Variants in LSM14B observed in about 807,000 individuals in gnomAD.
LSM14B encodes the protein LSM family member 14B, also known as protein LSM14 homolog B.
LSM14B carries 8 observed loss-of-function variants against 42.1 expected under a neutral mutation model. The observed-to-expected ratio is 0.19, with a 90% confidence interval of 0.11 to 0.34. LSM14B has a LOEUF of 0.34. Ranked by LOEUF, LSM14B falls within the 10% of genes least tolerant of loss-of-function variation. The pLI is 1.00. For synonymous variants in LSM14B, 219 were observed against 209.7 expected, an observed-to-expected ratio of 1.04 and a Z score of -0.38; for missense variants, 396 against 513.1, an observed-to-expected ratio of 0.77 and a Z score of 2.21.
At position 62,122,640 on chromosome 20, in the gene LSM14B, G is replaced by C. The variant is rs1305339301; in HGVS notation, c.-27G>C. 1.5e-6 allele frequency: 2 copies of C among 1,330,568 alleles called. No homozygotes were observed. The highest frequency in any genetic ancestry group is 2.0e-6 in the Non-Finnish European group (2 of 1,016,536). 82.4% of individuals were successfully genotyped at this position (1,330,568 alleles called of 1,614,324 possible). On this transcript the variant is annotated 5_prime_UTR_variant, in exon 1 of 9. Coordinates refer to ENST00000279068, the MANE Select transcript of LSM14B (RefSeq NM_144703.3). This position sits in a 1 kb window ranked among gnomAD's most constrained non-coding sequence, Gnocchi z 4.6. ...CGCGGCCCGGCGCTCCTTCCCCACC[G>C]CGGCCCGACGCACCCCGGCCGCCGC... is the stretch of plus-strand genomic sequence containing the variant.
At chr20:62,132,118 G>A (rs183266985) in intron 7 of LSM14B, among the ~76,000 whole-genome samples, 3 of 152,242 alleles carry the variant, frequency 2.0e-5, no homozygotes, top group Non-Finnish European at 4.4e-5. Context: ...GCTGGAGAGC[G>A]CCACCTCTTC....
chr20:62,127,765 C>A, intron 3 of LSM14B: 1 of 1,139,090 alleles, frequency 8.8e-7, no homozygotes, highest in Non-Finnish European at 1.3e-6. Flanking sequence ...AGGGGTAAAG[C>A]AGCAGACAGA....
chr20:62,126,106 G>A (rs1306039399), intron 2 of LSM14B, 198 bp from the exon 3 acceptor site: 5 of 691,994 alleles, frequency 7.2e-6, no homozygotes, highest in Non-Finnish European at 1.2e-5. Context: ...ACATGGACAG[G>A]TGAAACTGGA....
At chr20:62,133,586 C>A in intron 8 of LSM14B, 111 bp downstream of exon 8, 1 of 1,300,128 alleles carries the variant, frequency 7.7e-7, no homozygotes, top group Non-Finnish European at 1.0e-6. Flanking sequence ...GAAGAGAGGC[C>A]CAGAGGTGTC....
intron 3 of LSM14B, chr20:62,127,561 T>C (rs2145611507): frequency 6.7e-7 from 1 of 1,499,014 alleles, no homozygotes; most frequent in Non-Finnish European, 9.1e-7. Flanking sequence ...TTCTTTTTGC[T>C]CTTTCTCCTT....
intron 3 of LSM14B, chr20:62,129,149 C>A: frequency 2.3e-6 from 1 of 433,626 alleles, no homozygotes; most frequent in Non-Finnish European, 4.2e-6. Context: ...CCAAAGGCTA[C>A]CTAGGAGCCC....
intron 2 of LSM14B, among the ~76,000 whole-genome samples, chr20:62,125,569 G>T (rs2056570644): frequency 1.3e-5 from 2 of 152,182 alleles, no homozygotes; most frequent in Admixed American, 6.5e-5. Context: ...CTGCTTATTG[G>T]GTTATGGCTT....
In LSM14B at chr20:62,122,480, C is replaced by T. The variant is rs918159777; in HGVS notation, c.-187C>T. The T allele has an allele frequency of 6.0e-5, 14 of 233,034 alleles. No individual in the cohort carries two copies. Among genetic ancestry groups the T allele is most frequent in the Admixed American group, 1.3e-4 (2 of 15,272 alleles). 14.4% of individuals were successfully genotyped at this position (233,034 alleles called of 1,614,324 possible). On this transcript the variant is annotated 5_prime_UTR_variant, in exon 1 of 9. Coordinates refer to ENST00000279068, the MANE Select transcript of LSM14B (RefSeq NM_144703.3). The surrounding 1 kb of genome is among the most constrained non-coding windows in gnomAD (Gnocchi z 4.6). ...CGCGCTCCTCTCAGAGCCCCAGTCGCGCGCCCCTTCTTGGTTCGCTCGGTG... is the reference window on the plus strand; with the variant it reads ...CGCGCTCCTCTCAGAGCCCCAGTCGTGCGCCCCTTCTTGGTTCGCTCGGTG...
At chr20:62,127,848 A>C (rs1449058979) in intron 3 of LSM14B, 1 of 725,508 alleles carries the variant, frequency 1.4e-6, no homozygotes, top group Non-Finnish European at 2.5e-6. Context: ...TTCAGCATGT[A>C]GTCCTGATTG....
In LSM14B at chr20:62,122,983, C is replaced by T. The variant is rs952490721; in HGVS notation, c.127+190C>T. On this transcript the variant is annotated intron_variant, in intron 1 of 8. Coordinates refer to ENST00000279068, the MANE Select transcript of LSM14B (RefSeq NM_144703.3). This position sits in a 1 kb window ranked among gnomAD's most constrained non-coding sequence, Gnocchi z 4.6. ...CGGACGCCCCCGAGGCGCCCCCTTC[C>T]CGCGCGCCACCCTCCCCCAGCGTAG... Among the ~76,000 whole-genome samples the T allele has an allele frequency of 4.0e-5, 6 of 151,856 alleles. No individual in the cohort carries two copies. The highest frequency in any genetic ancestry group is 8.8e-5 in the Non-Finnish European group (6 of 67,896).
intron 3 of LSM14B, chr20:62,128,095 G>A: frequency 2.1e-6 from 1 of 481,470 alleles, no homozygotes; most frequent in South Asian, 2.2e-5. Context: ...GATCCGTGTG[G>A]TTCATAGATC....
intron 3 of LSM14B, chr20:62,128,867 A>C (rs1467688269): frequency 8.2e-6 from 8 of 971,122 alleles, no homozygotes; most frequent in Non-Finnish European, 1.1e-5. Context: ...GTAAGATGAG[A>C]TGCCCAGTCT....
At position 62,122,501 on chromosome 20, in the gene LSM14B, C is replaced by T. The variant is rs1385658891; in HGVS notation, c.-166C>T. On this transcript the variant is annotated 5_prime_UTR_variant, in exon 1 of 9. Coordinates refer to ENST00000279068, the MANE Select transcript of LSM14B (RefSeq NM_144703.3). The surrounding 1 kb of genome is among the most constrained non-coding windows in gnomAD (Gnocchi z 4.6). ...GTCGCGCGCCCCTTCTTGGTTCGCT[C>T]GGTGCCCGCGCAGGCCCCTCGGGCG... 8.3e-6 allele frequency: 3 copies of T among 360,008 alleles called. No homozygotes were observed. Among genetic ancestry groups the T allele is most frequent in the Non-Finnish European group, 1.2e-5 (3 of 258,544 alleles). 22.3% of individuals were successfully genotyped at this position (360,008 alleles called of 1,614,324 possible).
In LSM14B at chr20:62,131,500, A is replaced by G. The variant is rs768649256; in HGVS notation, c.980A>G (p.Lys327Arg). Residue 327 changes from lysine to arginine, a missense_variant, in exon 7 of 9, where the codon AAG (lysine) becomes AGG (arginine). Physicochemically the swap from Lys to Arg is conservative, Grantham distance 26. Transcript: ENST00000279068. ...SFFDNISSEL[K>R]TSSRRTTWAE... ...TTCGACAACATCTCTTCTGAACTCAAGACCAGGTGAGAGGCTGAATGAATG... is the reference window on the plus strand; with the variant it reads ...TTCGACAACATCTCTTCTGAACTCAGGACCAGGTGAGAGGCTGAATGAATG... 1.4e-5 allele frequency: 22 copies of G among 1,612,914 alleles called. No homozygotes were observed. Among genetic ancestry groups the G allele is most frequent in the Admixed American group, 3.3e-5 (2 of 59,996 alleles).
Position 62,130,083 on chromosome 20 carries a change from G to A in LSM14B, c.595+131G>A, listed in dbSNP as rs2056722204. The A allele has an allele frequency of 7.0e-7, 1 of 1,434,702 alleles. No individual in the cohort carries two copies. Among genetic ancestry groups the A allele is most frequent in the Non-Finnish European group, 9.4e-7 (1 of 1,063,838 alleles). The allele number at this position is 1,434,702 out of a possible 1,614,324, so 88.9% of individuals were successfully genotyped here. A position where few individuals can be genotyped will look rare whatever the true frequency, so the allele number is the denominator to read the frequency against. Reference sequence around the variant, plus strand: ...TCCTAAGCCCCATGTGCTTTTGCAGGGCAGGCCTGTGCAGCAGCCTCCTGC... The same window carrying A: ...TCCTAAGCCCCATGTGCTTTTGCAGAGCAGGCCTGTGCAGCAGCCTCCTGC... On this transcript the variant is annotated intron_variant, in intron 4 of 8. Coordinates refer to ENST00000279068, the MANE Select transcript of LSM14B (RefSeq NM_144703.3). This position sits in a 1 kb window ranked among gnomAD's most constrained non-coding sequence, Gnocchi z 4.1.
intron 3 of LSM14B, among the ~76,000 whole-genome samples, chr20:62,126,684 G>A (rs887607533): frequency 1.3e-5 from 2 of 152,174 alleles, no homozygotes; most frequent in African/African-American, 4.8e-5. Flanking sequence ...AAATTCATTC[G>A]AAGAGTCAGG....
rs1246895840 is a variant in LSM14B, at chr20:62,130,021, T to C, written c.595+69T>C. The C allele has an allele frequency of 1.6e-5, 4 of 250,604 alleles. No individual in the cohort carries two copies. The South Asian group carries it at 4.1e-4, about 26-fold the overall frequency. The allele number at this position is 250,604 out of a possible 1,614,324, so 15.5% of individuals were successfully genotyped here. A position where few individuals can be genotyped will look rare whatever the true frequency, so the allele number is the denominator to read the frequency against. On this transcript the variant is annotated intron_variant, in intron 4 of 8. Coordinates refer to ENST00000279068, the MANE Select transcript of LSM14B (RefSeq NM_144703.3). The surrounding 1 kb of genome is among the most constrained non-coding windows in gnomAD (Gnocchi z 4.1). Reference sequence around the variant, plus strand: ...AAGTGGCACACTACTTCCTGGGCTATTTTTTTTTTTTTAATTAAAAAAATA... The same window carrying C: ...AAGTGGCACACTACTTCCTGGGCTACTTTTTTTTTTTTAATTAAAAAAATA...
At chr20:62,124,517 G>A in intron 1 of LSM14B, 100 bp from the exon 2 acceptor site, 2 of 1,318,088 alleles carry the variant, frequency 1.5e-6, no homozygotes, top group South Asian at 2.7e-5. Context: ...GTGGCTCTGA[G>A]CAAGTGTCGC....
intron 7 of LSM14B, among the ~76,000 whole-genome samples, chr20:62,131,835 C>T (rs961934606): frequency 1.3e-5 from 2 of 152,240 alleles, no homozygotes; most frequent in Non-Finnish European, 2.9e-5. Flanking sequence ...CTTGCTGGTC[C>T]CGCTGGCCTG....
Sources: gnomAD v4.1 joint callset for allele counts (sites outside exome capture counted in the v4.1 genomes callset) on GRCh38, gnomAD v4.1.1 for gene constraint, Gnocchi (gnomAD v3.1) non-coding constraint, MANE v1.5 for transcripts, NCBI Gene and HGNC (gene_info 2026-07-23, HGNC 2026-07-21) for gene names.